The following GBE1 variants were observed in gnomAD, a reference collection of about 807,000 sequenced individuals.
GBE1 encodes the protein 1,4-alpha-glucan branching enzyme 1.
GBE1 carries 70 observed loss-of-function variants against 88.8 expected under a neutral mutation model. The ratio of observed to expected loss-of-function variants is 0.79; its 90% CI spans 0.65 to 0.96. The LOEUF (loss-of-function observed/expected upper bound fraction) is 0.96. Among genes scored for constraint, GBE1 ranks in the 40% least tolerant of loss-of-function variants. The pLI, the probability that GBE1 is intolerant of heterozygous loss-of-function variation, is 0.00. For missense variants in GBE1, 872 were observed against 871.0 expected, an observed-to-expected ratio of 1.00 and a Z score of -0.01; for synonymous variants, 284 against 300.1, an observed-to-expected ratio of 0.95 and a Z score of 0.56.
intron 3 of GBE1, among the ~76,000 whole-genome samples, chr3:81,659,197 G>C (rs536229026): frequency 2.2e-4 from 34 of 152,052 alleles, no homozygotes; most frequent in Non-Finnish European, 4.0e-4. Context: ...GAAGTGATAG[G>C]ATAGGGGAAG....
chr3:81,604,153 T>A (rs1448159610), intron 7 of GBE1, among the ~76,000 whole-genome samples: 1 of 152,170 alleles, frequency 6.6e-6, no homozygotes, highest in Non-Finnish European at 1.5e-5. Flanking sequence ...TAAATTATTG[T>A]CTAAACGTTA....
chr3:81,622,332 T>A (rs187971950), intron 7 of GBE1, among the ~76,000 whole-genome samples: 9 of 152,340 alleles, frequency 5.9e-5, no homozygotes, highest in African/African-American at 2.2e-4. Context: ...TAACTCCTTC[T>A]AAAACATGCT....
intron 2 of GBE1, among the ~76,000 whole-genome samples, chr3:81,695,849 C>G (rs190476591): frequency 3.9e-5 from 6 of 152,184 alleles, no homozygotes; most frequent in African/African-American, 1.4e-4. Context: ...GCTTCCTGAT[C>G]GCTAAATAAT....
At chr3:81,689,150 A>G (rs1705483075) in intron 2 of GBE1, among the ~76,000 whole-genome samples, 2 of 152,208 alleles carry the variant, frequency 1.3e-5, no homozygotes, top group Admixed American at 6.5e-5. Context: ...AAATGAACCA[A>G]TGTGTTTATT....
At chr3:81,614,132 A>G (rs1466966583) in intron 7 of GBE1, among the ~76,000 whole-genome samples, 1 of 152,176 alleles carries the variant, frequency 6.6e-6, no homozygotes, top group Non-Finnish European at 1.5e-5. Flanking sequence ...CTCCTGCCTC[A>G]GCCTCCCAAG....
At chr3:81,546,632 A>G (rs1030953819) in intron 12 of GBE1, among the ~76,000 whole-genome samples, 4 of 151,420 alleles carry the variant, frequency 2.6e-5, no homozygotes, top group Non-Finnish European at 5.9e-5. Flanking sequence ...CTATACTCCC[A>G]CCAGTGCCAC....
chr3:81,642,419 A>T (rs903463594), intron 7 of GBE1, among the ~76,000 whole-genome samples: 3 of 152,086 alleles, frequency 2.0e-5, no homozygotes, highest in Admixed American at 1.3e-4. Context: ...TGATTTTTTT[A>T]AATGGCCTAC....
In GBE1 at chr3:81,750,563, G is replaced by A. The variant is rs28571169; in HGVS notation, c.143+10812C>T. ...CGTATATATATATGTATATATATAT[G>A]TATATATATATACGTATATATATAC... On this transcript the variant is annotated intron_variant, in intron 1 of 15. Transcript: ENST00000429644. Among the ~76,000 whole-genome samples, 84 of 53,568 alleles carry A rather than the reference G, an allele frequency of 1.6e-3. 2 individuals are homozygous for A. Among genetic ancestry groups the A allele is most frequent in the African/African-American group, 3.9e-3 (34 of 8,820 alleles). The allele number at this position is 53,568 out of a possible 152,430, so 35.1% of individuals were successfully genotyped here. A position where few individuals can be genotyped will look rare whatever the true frequency, so the allele number is the denominator to read the frequency against.
chr3:81,698,926 G>A (rs1250500682), intron 2 of GBE1, among the ~76,000 whole-genome samples: 6 of 152,284 alleles, frequency 3.9e-5, no homozygotes, highest in Admixed American at 3.3e-4. Context: ...TGAGAGCAAC[G>A]AAATCAGGTT....
intron 3 of GBE1, among the ~76,000 whole-genome samples, chr3:81,654,400 T>C (rs757743861): frequency 3.3e-4 from 51 of 152,306 alleles, no homozygotes; most frequent in Admixed American, 6.5e-4. Flanking sequence ...ATTTTCCATG[T>C]ACTGGAAAAT....
At chr3:81,669,556 CAATA>C (rs1265003416) in intron 3 of GBE1, among the ~76,000 whole-genome samples, 2 of 151,860 alleles carry the variant, frequency 1.3e-5, no homozygotes, top group Non-Finnish European at 2.9e-5. Flanking sequence ...CTTTAACACT[CAATA>C]AATATCTTTT....
At chr3:81,659,013 T>G (rs779181868) in intron 3 of GBE1, among the ~76,000 whole-genome samples, 1 of 152,088 alleles carries the variant, frequency 6.6e-6, no homozygotes, top group Non-Finnish European at 1.5e-5. Context: ...AAGATCAATA[T>G]CGTAATAAAA....
chr3:81,549,115 C>T (rs1485430742), intron 12 of GBE1, among the ~76,000 whole-genome samples: 8 of 149,650 alleles, frequency 5.3e-5, no homozygotes, highest in East Asian at 3.9e-4. Flanking sequence ...CTGCAACCTC[C>T]GCCTCCCTGG....
chr3:81,712,610 G>A (rs2107178392), intron 1 of GBE1, among the ~76,000 whole-genome samples: 1 of 150,186 alleles, frequency 6.7e-6, no homozygotes, highest in South Asian at 2.1e-4. Flanking sequence ...AGAACACTTG[G>A]ACACAGGAAG....
In GBE1 at chr3:81,705,553, C is replaced by T. The variant is rs1705761758; in HGVS notation, c.204G>A (p.Lys68=). ...CAAATGATTCATAGCCTCTGGAAAA[C>T]TTATCAATACCACCTTCATTTTCTC... ...NIGENEGGID[K]FSRGYESFGV... Residue 68 remains lysine (K), a synonymous_variant, in exon 2 of 16, where the codon AAG becomes AAA. Transcript: ENST00000429644. The T allele has an allele frequency of 6.3e-7, 1 of 1,590,990 alleles. No homozygotes were observed. The highest frequency in any genetic ancestry group is 8.6e-7 in the Non-Finnish European group (1 of 1,167,568).
intron 7 of GBE1, chr3:81,612,861 A>G (rs2106995365): frequency 2.5e-6 from 1 of 406,068 alleles, no homozygotes; most frequent in Admixed American, 3.0e-5. Flanking sequence ...AGAGTTCATC[A>G]AAGACAATAT....
chr3:81,523,700 G>C (rs994758840), intron 14 of GBE1, among the ~76,000 whole-genome samples: 1 of 151,466 alleles, frequency 6.6e-6, no homozygotes, highest in Non-Finnish European at 1.5e-5. Context: ...ATCTCCATGA[G>C]ATCAACTGTT....
intron 1 of GBE1, among the ~76,000 whole-genome samples, chr3:81,720,312 C>T (rs1706006389): frequency 1.3e-5 from 2 of 150,780 alleles, no homozygotes; most frequent in South Asian, 2.1e-4. Context: ...TGCATATACA[C>T]ACATACACAC....
intron 1 of GBE1, among the ~76,000 whole-genome samples, chr3:81,746,311 G>A (rs1251170105): frequency 6.6e-6 from 1 of 152,078 alleles, no homozygotes; most frequent in East Asian, 1.9e-4. Context: ...TTACCCAGGG[G>A]GAGTGCAGTG....
Sources: gnomAD v4.1 joint callset for allele counts (sites outside exome capture counted in the v4.1 genomes callset) on GRCh38, gnomAD v4.1.1 for gene constraint, MANE v1.5 for transcripts, NCBI Gene and HGNC (gene_info 2026-07-23, HGNC 2026-07-21) for gene names.